The following PIEZO1 variants were observed in gnomAD, a reference collection of about 807,000 sequenced individuals.
PIEZO1 encodes the protein piezo-type mechanosensitive ion channel component 1.
Under a neutral mutation model 297.2 loss-of-function variants are expected in PIEZO1, and 296 were observed. The ratio of observed to expected loss-of-function variants is 1.00; its 90% CI spans 0.91 to 1.10. The LOEUF (loss-of-function observed/expected upper bound fraction) is 1.10, where lower values mean the gene tolerates loss of function less well. Ranked by LOEUF, PIEZO1 falls within the 50% of genes least tolerant of loss-of-function variation. The pLI, the probability that PIEZO1 is intolerant of heterozygous loss-of-function variation, is 0.00. For synonymous variants in PIEZO1, 2,427 were observed against 1,507.5 expected (o/e 1.61, Z -14.13); for missense variants, 5,018 against 3,455.5 (o/e 1.45, Z -11.34).
In PIEZO1 at chr16:88,722,873, C is replaced by T. The variant is rs1020672242; in HGVS notation, c.4632G>A (p.Arg1544=). Residue 1544 remains arginine (R), a synonymous_variant, in exon 34 of 51, where the codon CGG becomes CGA. Transcript: ENST00000301015. Reference sequence around the variant, plus strand: ...CCTGTGTGAGGAGGTAGCGCTCTGCCCGCAGCACGTCGCTCATGGTGCCGT... The same window carrying T: ...CCTGTGTGAGGAGGTAGCGCTCTGCTCGCAGCACGTCGCTCATGGTGCCGT... ...RHHGTMSDVL[R]AERYLLTQEL... 89 of 1,548,280 alleles carry T rather than the reference C, an allele frequency of 5.7e-5. No individual in the cohort carries two copies. Among genetic ancestry groups the T allele is most frequent in the Non-Finnish European group, 7.4e-5 (85 of 1,146,808 alleles).
chr16:88,735,034 C>T lies in PIEZO1; in HGVS notation c.1689G>A (p.Thr563=), dbSNP rs1239512247. 1.6e-5 allele frequency: 25 copies of T among 1,550,418 alleles called. 1 individual carries two copies. In the South Asian group the frequency reaches 2.0e-4, roughly 13 times the overall value. ...CCAGCTCCCCCAGGCTCTGCAACAG[C>T]GTCTGCGTCCGCGTGGGCTCTGTGG... The part of the protein sequence containing the change: ...VADTEPTRTQ[T]LLQSLGELVK... Residue 563 remains threonine (T), a synonymous_variant, in exon 14 of 51, where the codon ACG becomes ACA. Transcript: ENST00000301015.
chr16:88,763,042 A>G (rs537300097), intron 1 of PIEZO1, among the ~76,000 whole-genome samples: 16 of 152,316 alleles, frequency 1.1e-4, no homozygotes, highest in African/African-American at 3.8e-4. Flanking sequence ...GGTGCAACCA[A>G]AACAGTCTGG....
intron 2 of PIEZO1, chr16:88,743,251 T>C (rs942068555): frequency 1.5e-5 from 7 of 456,444 alleles, no homozygotes; most frequent in African/African-American, 1.4e-4. Context: ...ACCTCTGCTC[T>C]CGGCGCACAT....
chr16:88,741,256 G>C, intron 5 of PIEZO1: 1 of 503,350 alleles, frequency 2.0e-6, no homozygotes, highest in Non-Finnish European at 3.5e-6. Context: ...GGGGCGTGGA[G>C]GTTTCTGACT....
intron 1 of PIEZO1, among the ~76,000 whole-genome samples, chr16:88,782,265 C>G (rs1234261573): frequency 6.6e-6 from 1 of 152,132 alleles, no homozygotes; most frequent in African/African-American, 2.4e-5. Flanking sequence ...GCACTACCAC[C>G]ATGCCCAGCT....
At chr16:88,735,958 T>C (rs1054339862) in intron 12 of PIEZO1, among the ~76,000 whole-genome samples, 190 bp downstream of exon 12, 1 of 152,236 alleles carries the variant, frequency 6.6e-6, no homozygotes, top group African/African-American at 2.4e-5. Flanking sequence ...CAAGGTTGTC[T>C]GTTTATTCAG....
In PIEZO1 at chr16:88,716,614, C is replaced by G; in HGVS notation, c.6871G>C (p.Glu2291Gln). ...SPPSRAQMKR[E>Q]LYNGTADITL... ...ATGTCGGCCGTGCCGTTGTAGAGCTCCCGCTTCATCTGGGCACGGCTGGGG... is the reference window on the plus strand; with the variant it reads ...ATGTCGGCCGTGCCGTTGTAGAGCTGCCGCTTCATCTGGGCACGGCTGGGG... The change falls in exon 47 of 51, where the codon GAG becomes CAG. Residue 2291 changes from glutamate (E) to glutamine (Q), a missense_variant. Glu to Gln is a conservative substitution (Grantham distance 29). Coordinates refer to ENST00000301015, the MANE Select transcript of PIEZO1 (RefSeq NM_001142864.4). 6.5e-7 allele frequency: 1 copy of G among 1,549,996 alleles called. No homozygotes were observed. The highest frequency in any genetic ancestry group is 1.2e-5 in the South Asian group (1 of 84,024).
At chr16:88,766,960 A>C (rs184859925) in intron 1 of PIEZO1, among the ~76,000 whole-genome samples, 9 of 152,356 alleles carry the variant, frequency 5.9e-5, no homozygotes, top group Admixed American at 2.0e-4. Flanking sequence ...TCCACTTTCA[A>C]AAGTTTTTAA....
In PIEZO1 at chr16:88,752,867, CTCATTCAT is replaced by C. The variant is rs1456590115; in HGVS notation, c.65-3396_65-3389del. On this transcript the variant is annotated intron_variant, in intron 1 of 50. Coordinates refer to ENST00000301015, the MANE Select transcript of PIEZO1 (RefSeq NM_001142864.4). ...CAACACGCCCCCCAGAGTTTGTTCA[CTCATTCAT>C]TCATCCATTCATCCATTCATCCATT... Among the ~76,000 whole-genome samples, 7 of 146,524 alleles carry C rather than the reference CTCATTCAT, an allele frequency of 4.8e-5. No individual in the cohort carries two copies. In the East Asian group the frequency reaches 6.9e-4, roughly 14 times the overall value.
chr16:88,723,763 G>A (rs1009187723), intron 31 of PIEZO1, 108 bp downstream of exon 31: 27 of 649,424 alleles, frequency 4.2e-5, no homozygotes, highest in Non-Finnish European at 6.3e-5. Context: ...GGAGGTGGAG[G>A]AGCTCGGCTC....
chr16:88,746,906 C>T (rs1906090140), intron 2 of PIEZO1, among the ~76,000 whole-genome samples: 1 of 152,222 alleles, frequency 6.6e-6, no homozygotes, highest in African/African-American at 2.4e-5. Context: ...CTCCACAGAG[C>T]AAAGGGGAGG....
intron 1 of PIEZO1, among the ~76,000 whole-genome samples, chr16:88,754,517 C>T (rs1166383878): frequency 3.3e-5 from 5 of 152,186 alleles, no homozygotes; most frequent in Admixed American, 2.0e-4. Flanking sequence ...ACTGCCCAAC[C>T]CTCGTTCCCT....
At position 88,721,889 on chromosome 16, in the gene PIEZO1, G is replaced by T; in HGVS notation, c.5133C>A (p.Pro1711=). 2 of 1,550,068 alleles carry T rather than the reference G, an allele frequency of 1.3e-6. No individual in the cohort carries two copies. Among genetic ancestry groups the T allele is most frequent in the Admixed American group, 2.0e-5 (1 of 51,012 alleles). ...VTASAGSLVL[P]VLVFLWAMLS... ...GCATGGCCCACAGGAAGACGAGCAC[G>T]GGCAGCACCAGCGAGCCGGCGGAGG... The change falls in exon 37 of 51, where the codon CCC becomes CCA. Residue 1711 remains proline, a synonymous_variant. Coordinates refer to ENST00000301015, the MANE Select transcript of PIEZO1 (RefSeq NM_001142864.4).
rs1224523089 is a variant in PIEZO1, at chr16:88,721,634, G to T, written c.5307C>A (p.Phe1769Leu). The T allele has an allele frequency of 6.5e-7, 1 of 1,550,128 alleles. No homozygotes were observed. Among genetic ancestry groups the T allele is most frequent in the Non-Finnish European group, 8.7e-7 (1 of 1,146,900 alleles). The change falls in exon 38 of 51, where the codon TTC becomes TTA. Residue 1769 changes from phenylalanine (F) to leucine (L), a missense_variant. Physicochemically the swap from Phe to Leu is conservative, Grantham distance 22. Transcript: ENST00000301015. Reference protein sequence around the residue: ...VLRRYENKPYFPPRILGLEKT... With the variant: ...VLRRYENKPYLPPRILGLEKT... The stretch of plus-strand genomic sequence containing the variant: ...TCTCCAGGCCCAGGATGCGGGGCGG[G>T]AAGTAGGGCTTGTTCTCGTAGCGCC...
At chr16:88,727,285 G>C in intron 23 of PIEZO1, 93 bp from the exon 24 acceptor site, 1 of 1,358,154 alleles carries the variant, frequency 7.4e-7, no homozygotes, top group Non-Finnish European at 9.8e-7. Flanking sequence ...AGGCCTGTCG[G>C]CGTGCAGCCG....
chr16:88,738,801 A>C (rs1396676923), intron 5 of PIEZO1, 65 bp from the exon 6 acceptor site: 21 of 1,413,356 alleles, frequency 1.5e-5, no homozygotes, highest in Non-Finnish European at 2.0e-5. Context: ...TCCAGCCCAC[A>C]CCTGCCCAGC....
intron 2 of PIEZO1, among the ~76,000 whole-genome samples, chr16:88,749,009 G>A (rs552818255): frequency 9.4e-4 from 142 of 151,114 alleles, no homozygotes; most frequent in Non-Finnish European, 1.3e-3. Context: ...AGGCCGAGGC[G>A]GGCGGATCAC....
intron 1 of PIEZO1, among the ~76,000 whole-genome samples, chr16:88,751,957 G>A (rs1241369568): frequency 2.0e-5 from 3 of 152,196 alleles, no homozygotes; most frequent in African/African-American, 7.2e-5. Flanking sequence ...GCCCGTGGCA[G>A]GGCACCTTAG....
rs1202506789 is a variant in PIEZO1 at position 88,720,432 on chromosome 16, C to T, written c.5902G>A (p.Asp1968Asn). ...TDVYALMFLADVVDFIIIIFG... is the reference protein window; with the variant it reads ...TDVYALMFLANVVDFIIIIFG... Reference sequence around the variant, plus strand: ...ATGATGATGATGAAGTCGACAACATCAGCCAGGAACATGAGGGCATAGACG... The same window carrying T: ...ATGATGATGATGAAGTCGACAACATTAGCCAGGAACATGAGGGCATAGACG... The change falls in exon 41 of 51, where the codon GAT becomes AAT. Residue 1968 changes from aspartate to asparagine, a missense_variant. Transcript: ENST00000301015. 18 of 1,550,492 alleles carry T rather than the reference C, an allele frequency of 1.2e-5. No individual in the cohort carries two copies. The highest frequency in any genetic ancestry group is 1.6e-5 in the Non-Finnish European group (18 of 1,146,936).
Sources: allele counts gnomAD v4.1 joint callset (sites outside exome capture counted in the v4.1 genomes callset), GRCh38; gene constraint gnomAD v4.1.1; transcripts MANE v1.5; gene names NCBI Gene and HGNC (gene_info 2026-07-23, HGNC 2026-07-21).